The following IFRD1 variants were observed in gnomAD, a reference collection of about 807,000 sequenced individuals.
IFRD1 encodes the protein interferon related developmental regulator 1.
IFRD1 carries 35 observed loss-of-function variants against 52.9 expected under a neutral mutation model. The observed-to-expected ratio is 0.66, with a 90% CI of 0.51 to 0.88. The LOEUF (loss-of-function observed/expected upper bound fraction) is 0.88, where lower values mean the gene tolerates loss of function less well. IFRD1 is among the 40% of genes least tolerant of loss of function. IFRD1 has a pLI of 0.00. For missense variants in IFRD1, 517 were observed against 550.8 expected, an observed-to-expected ratio of 0.94 and a Z score of 0.61; for synonymous variants, 184 against 188.4, an observed-to-expected ratio of 0.98 and a Z score of 0.19.
Position 112,469,591 on chromosome 7 carries a change from A to G in IFRD1, c.1041+1476A>G, listed in dbSNP as rs554675582. 1.1e-4 allele frequency among the ~76,000 whole-genome samples: 16 copies of G among 152,230 alleles called. No individual in the cohort carries two copies. In the South Asian group the frequency reaches 2.9e-3, roughly 28 times the overall value. The stretch of plus-strand genomic sequence containing the variant: ...AGTTACTGTAGTCTCCAAAGATATG[A>G]TGACATGTCCTAGATTTTCTGGATG... On this transcript the variant is annotated intron_variant, in intron 9 of 11. Transcript: ENST00000403825.
intron 4 of IFRD1, chr7:112,457,917 A>C (rs1184857566): frequency 3.3e-5 from 5 of 152,178 alleles, no homozygotes; most frequent in Admixed American, 3.3e-4. Flanking sequence ...TGAGAGTAAA[A>C]ATTTTGTTGT....
chr7:112,448,126 TA>T (rs33983901), upstream of IFRD1, among the ~76,000 whole-genome samples: 131 of 132,932 alleles, frequency 9.9e-4, no homozygotes, highest in Middle Eastern at 3.9e-3. Flanking sequence ...CCTGTAGATT[TA>T]AAAAAAAAAA....
intron 1 of IFRD1, among the ~76,000 whole-genome samples, chr7:112,435,791 C>T (rs764396194): frequency 5.9e-5 from 9 of 151,884 alleles, no homozygotes; most frequent in Non-Finnish European, 1.2e-4. Flanking sequence ...CTAAAATGAA[C>T]ATTCAACATT....
At chr7:112,439,610 A>G (rs1794819052) in intron 1 of IFRD1, among the ~76,000 whole-genome samples, 1 of 152,146 alleles carries the variant, frequency 6.6e-6, no homozygotes, top group African/African-American at 2.4e-5. Context: ...TATTCTTGGT[A>G]GTTAGCTTTG....
At chr7:112,435,031 A>G (rs1458828306) in intron 1 of IFRD1, among the ~76,000 whole-genome samples, 2 of 152,224 alleles carry the variant, frequency 1.3e-5, no homozygotes, top group Non-Finnish European at 2.9e-5. Context: ...TCAAATGCCA[A>G]CTTGGCACTC....
At chr7:112,436,075 A>T (rs4321927) in intron 1 of IFRD1, among the ~76,000 whole-genome samples, 6,247 of 151,592 alleles carry the variant, frequency 0.041, 326 homozygotes, top group African/African-American at 0.12. Context: ...TAGGGATGGG[A>T]TTTCACCATG....
intron 9 of IFRD1, among the ~76,000 whole-genome samples, chr7:112,471,100 T>C (rs977646679): frequency 2.6e-5 from 4 of 152,232 alleles, no homozygotes; most frequent in African/African-American, 9.6e-5. Flanking sequence ...CTTAATGTTT[T>C]CTGAATTAAA....
chr7:112,437,894 T>A (rs1297765775), intron 1 of IFRD1, among the ~76,000 whole-genome samples: 1 of 152,102 alleles, frequency 6.6e-6, no homozygotes, highest in Non-Finnish European at 1.5e-5. Flanking sequence ...TCTAGACATA[T>A]TTTAGATGTG....
chr7:112,450,745 C>G lies in IFRD1; in HGVS notation c.57C>G (p.Gly19=). ...ACCGCGGTAGCAGTGCTGGCGGCGG[C>G]GGGTCAGGAGCAGCCGCAGCGACGG... is the stretch of plus-strand genomic sequence containing the variant. ...TPHRGSSAGG[G]GSGAAAATAA... is the part of the protein sequence containing the mutation. The change falls in exon 1 of 12, where the codon GGC becomes GGG. Residue 19 remains glycine, a synonymous_variant. Transcript: ENST00000403825. 6.2e-7 allele frequency: 1 copy of G among 1,612,302 alleles called. No individual in the cohort carries two copies. The highest frequency in any genetic ancestry group is 1.3e-5 in the African/African-American group (1 of 75,034).
intron 8 of IFRD1, chr7:112,467,245 G>A (rs1480511955): frequency 6.6e-6 from 1 of 152,166 alleles, no homozygotes; most frequent in Admixed American, 6.5e-5. Flanking sequence ...CCCATCTCCT[G>A]GCTTCTTAGT....
At chr7:112,452,319 C>A in intron 1 of IFRD1, 1 of 326,998 alleles carries the variant, frequency 3.1e-6, no homozygotes, top group Non-Finnish European at 4.4e-6. Context: ...TGACACCATT[C>A]CTGGCTATTT....
At chr7:112,431,343 A>T (rs1475992056) in intron 1 of IFRD1, among the ~76,000 whole-genome samples, 2 of 152,256 alleles carry the variant, frequency 1.3e-5, no homozygotes, top group African/African-American at 4.8e-5. Flanking sequence ...ATAATTCAGC[A>T]TAACAGTTCA....
intron 1 of IFRD1, among the ~76,000 whole-genome samples, chr7:112,436,990 A>C (rs1379080128): frequency 6.6e-6 from 1 of 152,090 alleles, no homozygotes; most frequent in Non-Finnish European, 1.5e-5. Flanking sequence ...TAAAGAGAAC[A>C]GTTTTTTTTG....
intron 8 of IFRD1, among the ~76,000 whole-genome samples, chr7:112,466,642 CT>C (rs1795617089): frequency 6.6e-6 from 1 of 152,088 alleles, no homozygotes. Flanking sequence ...GTGATTCTCA[CT>C]TCTTAGAACA....
Position 112,458,861 on chromosome 7 carries a change from G to A in IFRD1, c.410G>A (p.Gly137Asp). The A allele has an allele frequency of 6.2e-7, 1 of 1,613,834 alleles. No homozygotes were observed. Among genetic ancestry groups the A allele is most frequent in the Non-Finnish European group, 8.5e-7 (1 of 1,179,768 alleles). The part of the protein sequence containing the change: ...TDSIERCLKK[G>D]KSDEQRAAAA... ...GATTGCATCTTGGCTGCTTTTATAGGTAAGAGTGATGAGCAACGTGCAGCT... is the reference window on the plus strand; with the variant it reads ...GATTGCATCTTGGCTGCTTTTATAGATAAGAGTGATGAGCAACGTGCAGCT... The change falls in exon 5 of 12, where the codon GGT becomes GAT. Residue 137 changes from glycine to aspartate, a missense_variant and splice_region_variant. Gly to Asp is a moderately conservative substitution (Grantham distance 94). Transcript: ENST00000403825.
At chr7:112,468,411 T>G (rs1235473438) in intron 9 of IFRD1, among the ~76,000 whole-genome samples, 1 of 152,192 alleles carries the variant, frequency 6.6e-6, no homozygotes, top group Non-Finnish European at 1.5e-5. Flanking sequence ...TAAACCATGG[T>G]GCTTAGCATA....
chr7:112,432,018 A>G (rs1794558962), intron 1 of IFRD1, among the ~76,000 whole-genome samples: 1 of 152,222 alleles, frequency 6.6e-6, no homozygotes, highest in Non-Finnish European at 1.5e-5. Flanking sequence ...GTATGAACAC[A>G]ATTTAATGCT....
Position 112,475,559 on chromosome 7 carries a change from T to C in IFRD1, c.*40T>C. 1 of 1,271,050 alleles carries C rather than the reference T, an allele frequency of 7.9e-7. No individual in the cohort carries two copies. The highest frequency in any genetic ancestry group is 1.5e-5 in the African/African-American group (1 of 67,988). 78.7% of individuals were successfully genotyped at this position (1,271,050 alleles called of 1,614,324 possible). On this transcript the variant is annotated 3_prime_UTR_variant, in exon 12 of 12. Transcript: ENST00000403825. ...AAGACTATTTTCTAATTTCTATTTTTTTTTCTATTTCAATGTATTTAAACT... is the reference window on the plus strand; with the variant it reads ...AAGACTATTTTCTAATTTCTATTTTCTTTTCTATTTCAATGTATTTAAACT...
intron 1 of IFRD1, among the ~76,000 whole-genome samples, chr7:112,444,434 C>T (rs146053409): frequency 9.8e-5 from 15 of 152,298 alleles, no homozygotes; most frequent in Admixed American, 9.8e-4. Flanking sequence ...TCAAATTTAG[C>T]ATGCTGTATT....
Sources: allele counts gnomAD v4.1 joint callset (sites outside exome capture counted in the v4.1 genomes callset), GRCh38; gene constraint gnomAD v4.1.1; transcripts MANE v1.5; gene names NCBI Gene and HGNC (gene_info 2026-07-23, HGNC 2026-07-21).